Variants in OR6N1 observed in about 807,000 individuals in gnomAD.
OR6N1 encodes the protein olfactory receptor family 6 subfamily N member 1.
For synonymous variants in OR6N1, 170 were observed against 150.7 expected (o/e 1.13, Z -0.94); for missense variants, 394 against 371.7 (o/e 1.06, Z -0.49).
At position 158,766,296 on chromosome 1, in the gene OR6N1, G is replaced by A; in HGVS notation, c.387C>T (p.Pro129=). ...AYDRYLAICR[P]LHYPTLMTPT... is the part of the protein sequence containing the mutation. The stretch of plus-strand genomic sequence containing the variant: ...GGGTCATGAGGGTTGGGTAGTGGAG[G>A]GGCCGGCAGATGGCTAAATACCTAT... Residue 129 remains proline (P), a synonymous_variant, in exon 2 of 2, where the codon CCC becomes CCT. Transcript: ENST00000641846. 1 of 1,614,054 alleles carries A rather than the reference G, an allele frequency of 6.2e-7. No individual in the cohort carries two copies. Among genetic ancestry groups the A allele is most frequent in the Non-Finnish European group, 8.5e-7 (1 of 1,180,018 alleles).
the OR6N1 span, among the ~76,000 whole-genome samples, chr1:158,790,497 C>T: frequency 2.0e-5 from 3 of 151,642 alleles, no homozygotes; most frequent in African/African-American, 4.8e-5. Flanking sequence ...CTCCGCCTCC[C>T]GGGTTCATGC....
the OR6N1 span, chr1:158,777,533 A>G: frequency 6.2e-7 from 1 of 1,614,182 alleles, no homozygotes; most frequent in South Asian, 1.1e-5. Context: ...GTGAACAGGT[A>G]TGCCAATAGC....
the OR6N1 span, among the ~76,000 whole-genome samples, chr1:158,802,763 C>A: frequency 6.6e-6 from 1 of 152,198 alleles, no homozygotes; most frequent in African/African-American, 2.4e-5. Flanking sequence ...TTGTCTAAGT[C>A]TCCATCACCA....
rs976299668 is a variant in OR6N1, at chr1:158,764,843, T to C, written c.*901A>G. The stretch of plus-strand genomic sequence containing the variant: ...TTTCATACATTATACTGGCCATAGA[T>C]ATTAGGACCACTAAGACAGGTACAT... On this transcript the variant is annotated 3_prime_UTR_variant, in exon 2 of 2. Transcript: ENST00000641846. 13 of 152,200 alleles carry C rather than the reference T, an allele frequency of 8.5e-5. No homozygotes were observed. The highest frequency in any genetic ancestry group is 2.2e-4 in the African/African-American group (9 of 41,544). The allele number at this position is 152,200 out of a possible 1,614,324, so 9.4% of individuals were successfully genotyped here. A position where few individuals can be genotyped will look rare whatever the true frequency, so the allele number is the denominator to read the frequency against.
intron 1 of OR6N1, among the ~76,000 whole-genome samples, chr1:158,769,376 C>T (rs758216571): frequency 5.3e-5 from 8 of 152,098 alleles, no homozygotes; most frequent in Admixed American, 1.3e-4. Flanking sequence ...ATTGCCCAGG[C>T]TGGTCTTGAA....
At chr1:158,787,635 T>TCTCTCTCACACACACACACACACA in the OR6N1 span, among the ~76,000 whole-genome samples, 88 of 134,256 alleles carry the variant, frequency 6.6e-4, no homozygotes, top group Non-Finnish European at 8.5e-4. Flanking sequence ...TCTCTCTCTC[T>TCTCTCTCACACACACACACACACA]CACACACACA....
intron 1 of OR6N1, among the ~76,000 whole-genome samples, chr1:158,769,875 C>T (rs1657372704): frequency 6.6e-6 from 1 of 152,184 alleles, no homozygotes; most frequent in Non-Finnish European, 1.5e-5. Flanking sequence ...GTTTTTCTCA[C>T]CGCATATCCA....
chr1:158,816,638 C>A, the OR6N1 span, among the ~76,000 whole-genome samples: 1 of 151,886 alleles, frequency 6.6e-6, no homozygotes, highest in South Asian at 2.1e-4. Context: ...TTCAGTGAGC[C>A]GAGATGTGCC....
At chr1:158,805,605 G>A in the OR6N1 span, among the ~76,000 whole-genome samples, 1 of 152,066 alleles carries the variant, frequency 6.6e-6, no homozygotes, top group Non-Finnish European at 1.5e-5. Flanking sequence ...GAGAAGCTCT[G>A]CGCTAAAGAT....
Position 158,766,509 on chromosome 1 carries a change from G to C in OR6N1, c.174C>G (p.Pro58=). 6.2e-7 allele frequency: 1 copy of C among 1,614,184 alleles called. No individual in the cohort carries two copies. The highest frequency in any genetic ancestry group is 8.5e-7 in the Non-Finnish European group (1 of 1,180,026). ...AGAGAATGCTGACAAAGTGGTACATGGGTGTGTGAAGCCGGGAGTCCAGGC... is the reference window on the plus strand; with the variant it reads ...AGAGAATGCTGACAAAGTGGTACATCGGTGTGTGAAGCCGGGAGTCCAGGC... The part of the protein sequence containing the change: ...VVCLDSRLHT[P]MYHFVSILSF... The change falls in exon 2 of 2, where the codon CCC becomes CCG. Residue 58 remains proline (P), a synonymous_variant. Coordinates refer to ENST00000641846, the MANE Select transcript of OR6N1 (RefSeq NM_001005185.2).
chr1:158,829,585 C>G, the OR6N1 span, among the ~76,000 whole-genome samples: 1 of 152,200 alleles, frequency 6.6e-6, no homozygotes, highest in Non-Finnish European at 1.5e-5. Context: ...CAACAAGTCT[C>G]TAGGAAGTTC....
At chr1:158,818,106 A>G in the OR6N1 span, among the ~76,000 whole-genome samples, 31 of 152,290 alleles carry the variant, frequency 2.0e-4, no homozygotes, top group South Asian at 6.2e-3. Context: ...ACTCTGGACT[A>G]TTACTAAATA....
chr1:158,837,605 C>T, the OR6N1 span, among the ~76,000 whole-genome samples: 4 of 151,602 alleles, frequency 2.6e-5, no homozygotes, highest in South Asian at 2.1e-4. Context: ...GTAAAATGAG[C>T]CTCTTGTATG....
the OR6N1 span, among the ~76,000 whole-genome samples, chr1:158,806,307 A>G: frequency 1.3e-4 from 20 of 152,224 alleles, 1 homozygote; most frequent in East Asian, 3.7e-3. Flanking sequence ...TTAGGTCAAA[A>G]GAAGATGCCT....
At chr1:158,825,995 G>C in the OR6N1 span, among the ~76,000 whole-genome samples, 1 of 151,998 alleles carries the variant, frequency 6.6e-6, no homozygotes, top group Non-Finnish European at 1.5e-5. Flanking sequence ...ATAACTAGAG[G>C]CCATTATTCT....
the OR6N1 span, among the ~76,000 whole-genome samples, chr1:158,784,241 A>G: frequency 6.6e-6 from 1 of 152,200 alleles, no homozygotes; most frequent in Non-Finnish European, 1.5e-5. Context: ...TACTGTATTC[A>G]TCCCATTTCT....
At position 158,766,267 on chromosome 1, in the gene OR6N1, G is replaced by A. The variant is rs201929768; in HGVS notation, c.416C>T (p.Thr139Ile). ...GCCAATGGCAATCTCTGCACAAAGT[G>A]TTGGGGTCATGAGGGTTGGGTAGTG... Reference protein sequence around the residue: ...PLHYPTLMTPTLCAEIAIGCW... With the variant: ...PLHYPTLMTPILCAEIAIGCW... The change falls in exon 2 of 2, where the codon ACA (threonine) becomes ATA (isoleucine). Residue 139 changes from threonine to isoleucine, a missense_variant. Thr to Ile is a moderately conservative substitution (Grantham distance 89). Transcript: ENST00000641846. 9.3e-6 allele frequency: 15 copies of A among 1,613,996 alleles called. No individual in the cohort carries two copies. The highest frequency in any genetic ancestry group is 1.3e-5 in the Non-Finnish European group (15 of 1,180,034).
the OR6N1 span, among the ~76,000 whole-genome samples, chr1:158,840,365 G>T: frequency 6.6e-6 from 1 of 152,106 alleles, no homozygotes; most frequent in South Asian, 2.1e-4. Flanking sequence ...ATGATGGAAG[G>T]CACCTCTTCA....
upstream of OR6N1, chr1:158,776,676 A>G: frequency 6.5e-7 from 1 of 1,550,070 alleles, no homozygotes; most frequent in South Asian, 1.2e-5. Context: ...GGACATGGGA[A>G]GAAAGTCAAA....
Sources: allele counts gnomAD v4.1 joint callset (sites outside exome capture counted in the v4.1 genomes callset), GRCh38; gene constraint gnomAD v4.1.1; transcripts MANE v1.5; gene names NCBI Gene and HGNC (gene_info 2026-07-23, HGNC 2026-07-21).